Variants in EPHB1 observed in about 807,000 individuals in gnomAD.
The protein encoded by EPHB1 is ephrin type-B receptor 1.
In EPHB1, 30 loss-of-function variants were observed where a neutral mutation model predicts 94.4. The observed-to-expected ratio is 0.32, with a 90% CI of 0.24 to 0.43. The LOEUF is 0.43. Among genes scored for constraint, EPHB1 ranks in the 20% least tolerant of loss-of-function variants. The probability of loss-of-function intolerance (pLI) is 1.00; values close to 1 mark genes in which losing one functional copy is unlikely to be tolerated. For missense variants in EPHB1, 1,055 were observed against 1,308.3 expected, an observed-to-expected ratio of 0.81 and a Z score of 2.99; for synonymous variants, 522 against 489.1, an observed-to-expected ratio of 1.07 and a Z score of -0.89.
chr3:135,107,996 A>T (rs762023768), intron 4 of EPHB1, among the ~76,000 whole-genome samples: 1 of 152,208 alleles, frequency 6.6e-6, no homozygotes, highest in African/African-American at 2.4e-5. Context: ...GTACTTCTTT[A>T]GAAATCACTT....
At chr3:135,230,786 T>C (rs188970635) in intron 12 of EPHB1, among the ~76,000 whole-genome samples, 1 of 152,252 alleles carries the variant, frequency 6.6e-6, no homozygotes, top group Admixed American at 6.5e-5. Context: ...GTGCTCCATG[T>C]TTAGCTCCCA....
At chr3:134,864,983 C>T (rs1401118374) in intron 1 of EPHB1, among the ~76,000 whole-genome samples, 3 of 152,170 alleles carry the variant, frequency 2.0e-5, no homozygotes, top group Non-Finnish European at 4.4e-5. Context: ...CGAAGAATTT[C>T]TACAGTTTTC....
chr3:135,196,033 G>C (rs372528809), intron 11 of EPHB1, among the ~76,000 whole-genome samples: 2,258 of 142,618 alleles, frequency 0.016, 22 homozygotes, highest in South Asian at 0.045. Flanking sequence ...CATTCTAACT[G>C]GTGTGAGATG....
chr3:134,973,425 C>CTTTTTTTTTTTTT lies in EPHB1; in HGVS notation c.805+21384_805+21396dup, dbSNP rs10664147. On this transcript the variant is annotated intron_variant, in intron 3 of 15. Transcript: ENST00000398015. ...AAGCACTCCTTGTCTGTCTTCTAGT[C>CTTTTTTTTTTTTT]TTTTTTTTTTTTTTTTTTTTTTTGA... Among the ~76,000 whole-genome samples, 10 of 91,016 alleles carry CTTTTTTTTTTTTT rather than the reference C, an allele frequency of 1.1e-4. 1 individual carries two copies. The highest frequency in any genetic ancestry group is 4.7e-4 in the African/African-American group (10 of 21,412). The allele number at this position is 91,016 out of a possible 152,430, so 59.7% of individuals were successfully genotyped here.
intron 3 of EPHB1, among the ~76,000 whole-genome samples, chr3:135,076,417 A>G (rs1019512177): frequency 2.6e-5 from 4 of 152,166 alleles, no homozygotes; most frequent in African/African-American, 9.7e-5. Flanking sequence ...AATTAAAAAC[A>G]CAATGATATA....
intron 3 of EPHB1, among the ~76,000 whole-genome samples, chr3:135,037,740 C>A (rs78838198): frequency 0.04 from 6,090 of 152,258 alleles, 350 homozygotes; most frequent in African/African-American, 0.13. Context: ...CCAAGAGGTA[C>A]AAGATTGAAA....
intron 3 of EPHB1, 107 bp downstream of exon 3, chr3:134,952,159 G>C: frequency 8.2e-7 from 1 of 1,226,558 alleles, no homozygotes; most frequent in Non-Finnish European, 1.1e-6. Context: ...TAGTCTAATG[G>C]CTTATTATAA....
chr3:135,003,835 T>C (rs1486094894), intron 3 of EPHB1, among the ~76,000 whole-genome samples: 3 of 152,068 alleles, frequency 2.0e-5, no homozygotes, highest in Non-Finnish European at 4.4e-5. Context: ...CATCCTTTTA[T>C]TTTGAGCCTA....
chr3:135,076,052 A>G (rs1463502558), intron 3 of EPHB1, among the ~76,000 whole-genome samples: 1 of 152,136 alleles, frequency 6.6e-6, no homozygotes, highest in African/African-American at 2.4e-5. Context: ...ACCATATACA[A>G]ATATTAACTC....
At chr3:135,035,869 G>T (rs951249945) in intron 3 of EPHB1, among the ~76,000 whole-genome samples, 5 of 151,678 alleles carry the variant, frequency 3.3e-5, no homozygotes, top group African/African-American at 4.8e-5. Context: ...CCACCAAAAA[G>T]ACAAGTTTGG....
intron 2 of EPHB1, among the ~76,000 whole-genome samples, chr3:134,940,681 C>G (rs2039096417): frequency 6.6e-6 from 1 of 152,246 alleles, no homozygotes; most frequent in Non-Finnish European, 1.5e-5. Context: ...GAGATCTTCC[C>G]TGATTACCCC....
At chr3:135,052,909 A>ATATATGTGTG (rs1217744067) in intron 3 of EPHB1, among the ~76,000 whole-genome samples, 9 of 68,850 alleles carry the variant, frequency 1.3e-4, no homozygotes, top group African/African-American at 5.4e-4. Context: ...ATATATATAT[A>ATATATGTGTG]TGTGTGTGTG....
chr3:134,916,586 C>T (rs1019017626), intron 1 of EPHB1, among the ~76,000 whole-genome samples: 15 of 152,240 alleles, frequency 9.9e-5, no homozygotes, highest in Non-Finnish European at 1.9e-4. Flanking sequence ...GCACACCCTC[C>T]GCAGCTGCTG....
chr3:134,882,806 C>CT (rs748069576), intron 1 of EPHB1, among the ~76,000 whole-genome samples: 6,330 of 80,578 alleles, frequency 0.079, 266 homozygotes, highest in South Asian at 0.16. Context: ...TTCTTTCTTT[C>CT]TTTCTTTCTT....
At chr3:135,178,038 C>G (rs1228163293) in intron 9 of EPHB1, among the ~76,000 whole-genome samples, 1 of 152,110 alleles carries the variant, frequency 6.6e-6, no homozygotes, top group Non-Finnish European at 1.5e-5. Context: ...AGTGTCCTCC[C>G]AAAGCTTTCA....
At chr3:134,989,494 C>T (rs545555046) in intron 3 of EPHB1, among the ~76,000 whole-genome samples, 12 of 120,564 alleles carry the variant, frequency 1.0e-4, no homozygotes, top group African/African-American at 3.8e-4. Flanking sequence ...CGCACGCGCG[C>T]GTGCACACAC....
chr3:134,910,126 C>T (rs2038422153), intron 1 of EPHB1, among the ~76,000 whole-genome samples: 1 of 152,188 alleles, frequency 6.6e-6, no homozygotes, highest in African/African-American at 2.4e-5. Context: ...CATCCTTAGG[C>T]CTGGGGCATC....
intron 11 of EPHB1, among the ~76,000 whole-genome samples, chr3:135,195,372 T>C (rs907874149): frequency 1.3e-5 from 2 of 152,050 alleles, no homozygotes; most frequent in Non-Finnish European, 2.9e-5. Flanking sequence ...TTAGGGTACA[T>C]GTGCACATTG....
intron 11 of EPHB1, among the ~76,000 whole-genome samples, chr3:135,194,195 T>A (rs1942535813): frequency 6.6e-6 from 1 of 152,204 alleles, no homozygotes. Flanking sequence ...TGAAGGGACA[T>A]CAACTCAATG....
Sources: gnomAD v4.1 joint callset for allele counts (sites outside exome capture counted in the v4.1 genomes callset) on GRCh38, gnomAD v4.1.1 for gene constraint, MANE v1.5 for transcripts, NCBI Gene and HGNC (gene_info 2026-07-23, HGNC 2026-07-21) for gene names.